The following RAB3GAP1 variants were observed in gnomAD, a reference collection of about 807,000 sequenced individuals.
RAB3GAP1 encodes the protein rab3 GTPase-activating protein catalytic subunit.
A neutral mutation model predicts 130.7 loss-of-function variants in RAB3GAP1; 86 were observed. The ratio of observed to expected loss-of-function variants is 0.66; its 90% CI spans 0.55 to 0.79. The LOEUF is 0.79. Among genes scored for constraint, RAB3GAP1 ranks in the 30% least tolerant of loss-of-function variants. RAB3GAP1 has a pLI of 0.00. For missense variants in RAB3GAP1, 1,029 were observed against 1,169.4 expected (o/e 0.88, Z 1.75); for synonymous variants, 367 against 401.7 (o/e 0.91, Z 1.03).
intron 3 of RAB3GAP1, among the ~76,000 whole-genome samples, chr2:135,070,007 C>T (rs1689423451): frequency 6.6e-6 from 1 of 152,196 alleles, no homozygotes; most frequent in Non-Finnish European, 1.5e-5. Context: ...AAGCCACTTG[C>T]CATGTGGGTT....
chr2:135,176,044 A>C (rs1357488015), intron 24 of RAB3GAP1, among the ~76,000 whole-genome samples: 1 of 152,218 alleles, frequency 6.6e-6, no homozygotes, highest in Non-Finnish European at 1.5e-5. Context: ...GATTCCAAAC[A>C]AAATCCCCAA....
chr2:135,091,826 C>T (rs1690151781), intron 4 of RAB3GAP1, among the ~76,000 whole-genome samples: 1 of 152,102 alleles, frequency 6.6e-6, no homozygotes, highest in African/African-American at 2.4e-5. Flanking sequence ...AATCTTCTGT[C>T]CTTAGATAAA....
chr2:135,100,502 A>C (rs1032651543), intron 5 of RAB3GAP1, among the ~76,000 whole-genome samples: 8 of 152,120 alleles, frequency 5.3e-5, no homozygotes, highest in African/African-American at 1.9e-4. Flanking sequence ...CAGCATTGTC[A>C]TATTTGATCA....
At chr2:135,131,268 C>T (rs989008119) in intron 13 of RAB3GAP1, among the ~76,000 whole-genome samples, 3 of 152,018 alleles carry the variant, frequency 2.0e-5, no homozygotes, top group African/African-American at 7.2e-5. Flanking sequence ...GCTCTGTCAC[C>T]CAGACTGGAG....
intron 2 of RAB3GAP1, among the ~76,000 whole-genome samples, chr2:135,054,589 G>C (rs553322593): frequency 7.2e-5 from 11 of 152,348 alleles, no homozygotes; most frequent in Admixed American, 2.0e-4. Context: ...GTCAAAGTGA[G>C]AAGATTTGAA....
chr2:135,094,185 T>G (rs574043972), intron 5 of RAB3GAP1, among the ~76,000 whole-genome samples: 20 of 152,272 alleles, frequency 1.3e-4, no homozygotes, highest in African/African-American at 4.6e-4. Context: ...CCTCCCCAAA[T>G]CCCATTTCCC....
chr2:135,055,994 G>A (rs1436682504), intron 2 of RAB3GAP1, among the ~76,000 whole-genome samples: 2 of 151,608 alleles, frequency 1.3e-5, no homozygotes, highest in Admixed American at 6.6e-5. Context: ...CCGCCACCAC[G>A]CCCGGCTAAT....
At chr2:135,090,564 G>T (rs1347692352) in intron 3 of RAB3GAP1, among the ~76,000 whole-genome samples, 1 of 149,556 alleles carries the variant, frequency 6.7e-6, no homozygotes. Flanking sequence ...CAAATGGAAA[G>T]ACTTGAATGC....
intron 17 of RAB3GAP1, among the ~76,000 whole-genome samples, chr2:135,138,231 G>A (rs1447364674): frequency 2.0e-5 from 3 of 149,152 alleles, no homozygotes; most frequent in Admixed American, 1.4e-4. Flanking sequence ...GATTGCTTGA[G>A]CCCAGGAATT....
intron 6 of RAB3GAP1, 102 bp from the exon 7 acceptor site, chr2:135,115,114 G>A: frequency 8.8e-7 from 1 of 1,132,422 alleles, no homozygotes; most frequent in South Asian, 1.4e-5. Context: ...CCAGTTTAGT[G>A]CTTTCAAATT....
chr2:135,085,259 T>A (rs1236084354), intron 3 of RAB3GAP1, among the ~76,000 whole-genome samples: 2 of 152,230 alleles, frequency 1.3e-5, no homozygotes, highest in African/African-American at 2.4e-5. Flanking sequence ...GTCAGGTTTT[T>A]AAAATTTTTA....
intron 5 of RAB3GAP1, among the ~76,000 whole-genome samples, chr2:135,095,272 T>G (rs1413235311): frequency 6.6e-6 from 1 of 152,152 alleles, no homozygotes; most frequent in Non-Finnish European, 1.5e-5. Flanking sequence ...ATGGTCTCGA[T>G]CTCCTGACCT....
intron 4 of RAB3GAP1, 103 bp downstream of exon 4, chr2:135,091,233 A>G (rs937610842): frequency 1.7e-5 from 20 of 1,143,866 alleles, no homozygotes; most frequent in Non-Finnish European, 2.5e-5. Context: ...TTTCTCTGGA[A>G]CTGTTTTACA....
Position 135,168,629 on chromosome 2 carries a change from C to T in RAB3GAP1, c.2794C>T (p.Pro932Ser). The T allele has an allele frequency of 7.4e-6, 12 of 1,614,178 alleles. No individual in the cohort carries two copies. The highest frequency in any genetic ancestry group is 1.0e-5 in the Non-Finnish European group (12 of 1,180,036). Residue 932 changes from proline to serine, a missense_variant, in exon 24 of 24, where the codon CCA becomes TCA. By Grantham distance (74) the Pro-to-Ser change is moderately conservative. This residue lies in a region of RAB3GAP1 where 146 missense variants were observed against 143.7 expected (regional missense o/e 1.02). Transcript: ENST00000264158. Reference sequence around the variant, plus strand: ...AAGGCAGAACTCCGTGTCAGACTTCCCACCCCCTGCTGGCCGGGAATTCAT... The same window carrying T: ...AAGGCAGAACTCCGTGTCAGACTTCTCACCCCCTGCTGGCCGGGAATTCAT... ...ERRQNSVSDF[P>S]PPAGREFILR...
intron 5 of RAB3GAP1, among the ~76,000 whole-genome samples, chr2:135,107,232 C>T (rs1048237211): frequency 5.3e-5 from 8 of 151,720 alleles, no homozygotes; most frequent in African/African-American, 1.7e-4. Context: ...ACAAGTAATA[C>T]TAAAAGACAT....
intron 12 of RAB3GAP1, 38 bp from the exon 13 acceptor site, chr2:135,130,514 G>T: frequency 6.5e-7 from 1 of 1,533,172 alleles, no homozygotes; most frequent in Non-Finnish European, 9.0e-7. Context: ...TGCTGAGGTT[G>T]GTGATATAAT....
At chr2:135,165,225 A>T in intron 23 of RAB3GAP1, 1 of 439,524 alleles carries the variant, frequency 2.3e-6, no homozygotes, top group Admixed American at 2.7e-5. Flanking sequence ...AAGAAAGCCC[A>T]GTTTGAAAAA....
At chr2:135,124,064 C>T (rs1490995045) in intron 8 of RAB3GAP1, 101 bp from the exon 9 acceptor site, 12 of 1,143,056 alleles carry the variant, frequency 1.0e-5, no homozygotes, top group Non-Finnish European at 1.6e-5. Context: ...CATGTGTTCT[C>T]TTGCAGACAC....
At chr2:135,108,749 T>G (rs1690706441) in intron 5 of RAB3GAP1, among the ~76,000 whole-genome samples, 1 of 152,222 alleles carries the variant, frequency 6.6e-6, no homozygotes, top group Admixed American at 6.5e-5. Context: ...GTGTTGCATC[T>G]AAAAGGTCAT....
Sources: gnomAD v4.1 joint callset for allele counts (sites outside exome capture counted in the v4.1 genomes callset) on GRCh38, gnomAD v4.1.1 for gene constraint, gnomAD v4.1.1 regional missense constraint, MANE v1.5 for transcripts, NCBI Gene and HGNC (gene_info 2026-07-23, HGNC 2026-07-21) for gene names.